The following PCDHGA5 variants were observed in gnomAD, a reference collection of about 807,000 sequenced individuals.
PCDHGA5 encodes protocadherin gamma-A5.
Under a neutral mutation model 56.7 loss-of-function variants are expected in PCDHGA5, and 36 were observed. The observed-to-expected ratio is 0.64, with a 90% confidence interval of 0.49 to 0.84. The LOEUF (loss-of-function observed/expected upper bound fraction) is 0.84. PCDHGA5 is among the 40% of genes least tolerant of loss of function. The pLI, the probability that PCDHGA5 is intolerant of heterozygous loss-of-function variation, is 0.00. For synonymous variants in PCDHGA5, 563 were observed against 520.2 expected (o/e 1.08, Z -1.12); for missense variants, 1,305 against 1,201.5 (o/e 1.09, Z -1.27).
At chr5:141,383,515 C>G (rs749503295) in intron 1 of PCDHGA5, 1 of 1,612,350 alleles carries the variant, frequency 6.2e-7, no homozygotes, top group Non-Finnish European at 8.5e-7. Flanking sequence ...GGAGGAAGAG[C>G]GGGTTCACCA....
In PCDHGA5 at chr5:141,383,687, C is replaced by T; in HGVS notation, c.2421+16936C>T. 1.2e-6 allele frequency: 2 copies of T among 1,613,968 alleles called. No homozygotes were observed. Among genetic ancestry groups the T allele is most frequent in the Middle Eastern group, 1.6e-4 (1 of 6,062 alleles). Reference sequence around the variant, plus strand: ...GTGCCAGTGGGTACAAGACTGCTCACGGTACATGCTATCGACCTGGACGAG... The same window carrying T: ...GTGCCAGTGGGTACAAGACTGCTCATGGTACATGCTATCGACCTGGACGAG... On this transcript the variant is annotated intron_variant, in intron 1 of 3. Coordinates refer to ENST00000518069, the MANE Select transcript of PCDHGA5 (RefSeq NM_018918.3).
At chr5:141,402,882 G>A in intron 1 of PCDHGA5, 1 of 1,479,680 alleles carries the variant, frequency 6.8e-7, no homozygotes, top group South Asian at 1.4e-5. Context: ...TACTTTGCAG[G>A]GTGGAAGAAA....
intron 1 of PCDHGA5, chr5:141,375,618 G>A (rs1771662447): frequency 6.2e-7 from 1 of 1,614,078 alleles, no homozygotes; most frequent in Non-Finnish European, 8.5e-7. Context: ...TCCGACACTG[G>A]GATTCTGTAC....
At position 141,386,477 on chromosome 5, in the gene PCDHGA5, G is replaced by A. The variant is rs78371655; in HGVS notation, c.2421+19726G>A. ...GACAGCTTGAACCCAAGAATTGGAG[G>A]CCCACCTAGATAATATAACAAGACT... is the stretch of plus-strand genomic sequence containing the variant. On this transcript the variant is annotated intron_variant, in intron 1 of 3. Coordinates refer to ENST00000518069, the MANE Select transcript of PCDHGA5 (RefSeq NM_018918.3). Among the ~76,000 whole-genome samples the A allele has an allele frequency of 2.5e-3, 384 of 151,668 alleles. 1 individual carries two copies. Among genetic ancestry groups the A allele is most frequent in the African/African-American group, 8.8e-3 (362 of 41,292 alleles).
chr5:141,494,812 C>G lies in PCDHGA5; in HGVS notation c.2427C>G (p.Ala809=). The part of the protein sequence containing the change: ...ANKEERRVQQ[A]PPNTDWRFSQ... ...TCCCTCTGTTTTCTCCACAGCAAGCCCCGCCCAACACGGACTGGCGTTTCT... is the reference window on the plus strand; with the variant it reads ...TCCCTCTGTTTTCTCCACAGCAAGCGCCGCCCAACACGGACTGGCGTTTCT... The change falls in exon 2 of 4, where the codon GCC becomes GCG. Residue 809 remains alanine, a synonymous_variant. Coordinates refer to ENST00000518069, the MANE Select transcript of PCDHGA5 (RefSeq NM_018918.3). 4 of 1,614,146 alleles carry G rather than the reference C, an allele frequency of 2.5e-6. No homozygotes were observed. The highest frequency in any genetic ancestry group is 3.4e-6 in the Non-Finnish European group (4 of 1,180,016).
chr5:141,427,743 T>A, intron 1 of PCDHGA5: 5 of 1,249,166 alleles, frequency 4.0e-6, no homozygotes, highest in Non-Finnish European at 5.8e-6. Context: ...CCAAGTCTCC[T>A]ACTCCATCGT....
At chr5:141,424,960 C>T (rs1291822416) in intron 1 of PCDHGA5, among the ~76,000 whole-genome samples, 1 of 152,102 alleles carries the variant, frequency 6.6e-6, no homozygotes, top group African/African-American at 2.4e-5. Context: ...AGGTATTTGC[C>T]CCAAATTACT....
chr5:141,365,475 T>TG lies in PCDHGA5; in HGVS notation c.1145_1146insG (p.Ile382MetfsTer7). On this transcript the variant is annotated frameshift_variant, in exon 1 of 4. Transcript: ENST00000518069. LOFTEE classifies it high-confidence loss of function. ...GGTGATTCTGGAGAAAATGGTGAGA[T>TG]TGCATGCTCTATTCCTAGGAATTTG... 2 of 1,613,978 alleles carry TG rather than the reference T, an allele frequency of 1.2e-6. No homozygotes were observed. The highest frequency in any genetic ancestry group is 8.5e-7 in the Non-Finnish European group (1 of 1,179,890).
rs1207647899 is a variant in PCDHGA5, at chr5:141,491,938, C to T, written c.2422-2869C>T. The T allele has an allele frequency of 1.6e-5, 19 of 1,199,190 alleles. No homozygotes were observed. Among genetic ancestry groups the T allele is most frequent in the Non-Finnish European group, 2.1e-5 (18 of 875,372 alleles). 74.3% of individuals were successfully genotyped at this position (1,199,190 alleles called of 1,614,324 possible). ...TGTGGGCGAGGGGAGGTGGGACCGA[C>T]CCCCACCCCTACACTCAAAAAAGGC... is the stretch of plus-strand genomic sequence containing the variant. On this transcript the variant is annotated intron_variant, in intron 1 of 3. Coordinates refer to ENST00000518069, the MANE Select transcript of PCDHGA5 (RefSeq NM_018918.3). This position sits in a 1 kb window ranked among gnomAD's most constrained non-coding sequence, Gnocchi z 6.9.
At chr5:141,452,908 A>G (rs747849272) in intron 1 of PCDHGA5, among the ~76,000 whole-genome samples, 5 of 152,222 alleles carry the variant, frequency 3.3e-5, no homozygotes, top group African/African-American at 4.8e-5. Flanking sequence ...AGTTGGCATT[A>G]TACAGTAAGA....
At chr5:141,367,000 T>G (rs990183992) in intron 1 of PCDHGA5, 4 of 452,734 alleles carry the variant, frequency 8.8e-6, no homozygotes, top group Non-Finnish European at 1.5e-5. Context: ...AATATAATCA[T>G]TTTACCCAAA....
At chr5:141,425,391 A>G (rs2096872046) in intron 1 of PCDHGA5, among the ~76,000 whole-genome samples, 1 of 152,238 alleles carries the variant, frequency 6.6e-6, no homozygotes, top group South Asian at 2.1e-4. Flanking sequence ...AGGTAGTGAT[A>G]AAGTTCTGTT....
Position 141,365,716 on chromosome 5 carries a change from A to G in PCDHGA5, c.1386A>G (p.Thr462=), listed in dbSNP as rs1764073601. ...FPQASYSTSV[T]ENNPRGVSIF... ...AAGCCTCCTACTCCACCTCTGTCAC[A>G]GAAAACAATCCCAGAGGTGTCTCTA... The change falls in exon 1 of 4, where the codon ACA becomes ACG. Residue 462 remains threonine (T), a synonymous_variant. Coordinates refer to ENST00000518069, the MANE Select transcript of PCDHGA5 (RefSeq NM_018918.3). 6 of 1,613,740 alleles carry G rather than the reference A, an allele frequency of 3.7e-6. No homozygotes were observed. The highest frequency in any genetic ancestry group is 5.1e-6 in the Non-Finnish European group (6 of 1,179,882).
At chr5:141,413,357 G>C in intron 1 of PCDHGA5, 1 of 1,613,992 alleles carries the variant, frequency 6.2e-7, no homozygotes, top group Non-Finnish European at 8.5e-7. Context: ...CTGGCGCCCC[G>C]GGAGCTGGCG....
At chr5:141,400,524 G>A (rs958686867) in intron 1 of PCDHGA5, 1 of 1,613,802 alleles carries the variant, frequency 6.2e-7, no homozygotes, top group Non-Finnish European at 8.5e-7. Context: ...ATCCTGAGTT[G>A]GTGAGTTTCA....
intron 1 of PCDHGA5, chr5:141,418,184 G>A: frequency 6.2e-7 from 1 of 1,614,096 alleles, no homozygotes; most frequent in Non-Finnish European, 8.5e-7. Flanking sequence ...ATTGGAAGCT[G>A]TGGTGGAAAA....
At chr5:141,376,366 A>C in intron 1 of PCDHGA5, 1 of 1,614,206 alleles carries the variant, frequency 6.2e-7, no homozygotes, top group Non-Finnish European at 8.5e-7. Context: ...CACTCACTGC[A>C]GACTCGCGTA....
intron 1 of PCDHGA5, chr5:141,413,285 A>G: frequency 1.9e-6 from 3 of 1,613,892 alleles, no homozygotes; most frequent in Non-Finnish European, 2.5e-6. Flanking sequence ...CAGATCTCCT[A>G]CTCAATTCCT....
rs777761385 is a variant in PCDHGA5 at position 141,489,558 on chromosome 5, G to T, written c.2422-5249G>T. 1.1e-5 allele frequency: 17 copies of T among 1,614,130 alleles called. No homozygotes were observed. In the South Asian group the frequency reaches 1.8e-4, roughly 17 times the overall value. On this transcript the variant is annotated intron_variant, in intron 1 of 3. Coordinates refer to ENST00000518069, the MANE Select transcript of PCDHGA5 (RefSeq NM_018918.3). The surrounding 1 kb of genome is among the most constrained non-coding windows in gnomAD (Gnocchi z 4.5). Reference sequence around the variant, plus strand: ...CCAGCACCAGCTGCCTGCTGCCAGTGCAGGTGGTGACTGAACACCCCCTGG... The same window carrying T: ...CCAGCACCAGCTGCCTGCTGCCAGTTCAGGTGGTGACTGAACACCCCCTGG...
Sources: allele counts gnomAD v4.1 joint callset (sites outside exome capture counted in the v4.1 genomes callset), GRCh38; gene constraint gnomAD v4.1.1; non-coding constraint Gnocchi (gnomAD v3.1); transcripts MANE v1.5; gene names NCBI Gene and HGNC (gene_info 2026-07-23, HGNC 2026-07-21).